Variants in EPS15 observed in about 807,000 individuals in gnomAD.
EPS15 encodes epidermal growth factor receptor substrate 15.
EPS15 carries 72 observed loss-of-function variants against 113.8 expected under a neutral mutation model. That is an observed-to-expected ratio of 0.63 (90% CI 0.52 to 0.77). The LOEUF (loss-of-function observed/expected upper bound fraction) is 0.77. EPS15 is among the 30% of genes least tolerant of loss of function. The pLI is 0.00. For synonymous variants in EPS15, 344 were observed against 363.4 expected, an observed-to-expected ratio of 0.95 and a Z score of 0.61; for missense variants, 1,048 against 1,045.8, an observed-to-expected ratio of 1.00 and a Z score of -0.03.
intron 10 of EPS15, among the ~76,000 whole-genome samples, chr1:51,445,643 A>T (rs1652979104): frequency 2.1e-5 from 3 of 143,540 alleles, no homozygotes; most frequent in African/African-American, 5.1e-5. Flanking sequence ...TTCTGTAATT[A>T]AAAAAAAAAA....
Position 51,408,209 on chromosome 1 carries a change from T to C in EPS15, c.1399A>G (p.Ser467Gly). Residue 467 changes from serine to glycine, a missense_variant, in exon 15 of 25, where the codon AGT (serine) becomes GGT (glycine). Ser to Gly is a moderately conservative substitution (Grantham distance 56). Transcript: ENST00000371733. ...AACTGAGCCTTCCCTGACTCTACAC[T>C]CTCCTCCAATTCTGCTGTTTCTTGC... ...LQQETAELEESVESGKAQLEP... is the reference protein window; with the variant it reads ...LQQETAELEEGVESGKAQLEP... 6.2e-7 allele frequency: 1 copy of C among 1,614,102 alleles called. No individual in the cohort carries two copies. Among genetic ancestry groups the C allele is most frequent in the Non-Finnish European group, 8.5e-7 (1 of 1,179,966 alleles).
chr1:51,409,269 G>A (rs988844938), intron 14 of EPS15, among the ~76,000 whole-genome samples: 15 of 152,110 alleles, frequency 9.9e-5, no homozygotes, highest in African/African-American at 3.1e-4. Flanking sequence ...AGGGTAACTG[G>A]GGGAGGGACA....
At chr1:51,476,435 T>C (rs1643903358) in intron 2 of EPS15, among the ~76,000 whole-genome samples, 2 of 152,134 alleles carry the variant, frequency 1.3e-5, no homozygotes, top group South Asian at 4.1e-4. Flanking sequence ...GGAGCGTGTA[T>C]GTGTTGAGGA....
intron 2 of EPS15, among the ~76,000 whole-genome samples, chr1:51,477,859 G>C (rs1360182482): frequency 6.6e-6 from 1 of 152,154 alleles, no homozygotes; most frequent in African/African-American, 2.4e-5. Context: ...TTGCTGAGGA[G>C]TGCTTTACTT....
intron 1 of EPS15, among the ~76,000 whole-genome samples, chr1:51,493,278 G>A (rs1260618901): frequency 4.1e-5 from 6 of 144,584 alleles, no homozygotes; most frequent in African/African-American, 5.1e-5. Context: ...GGAGAATGGC[G>A]TGAACCCGGG....
At chr1:51,468,273 A>G (rs1654993972) in intron 5 of EPS15, among the ~76,000 whole-genome samples, 200 bp downstream of exon 5, 1 of 152,104 alleles carries the variant, frequency 6.6e-6, no homozygotes, top group African/African-American at 2.4e-5. Flanking sequence ...AGTTTCTCAC[A>G]TATACATATA....
chr1:51,396,940 G>A (rs1557798671), intron 20 of EPS15, among the ~76,000 whole-genome samples: 1 of 151,676 alleles, frequency 6.6e-6, no homozygotes, highest in African/African-American at 2.4e-5. Flanking sequence ...GAGTGCTGTG[G>A]TACAATCATG....
chr1:51,372,553 C>T, intron 21 of EPS15: 4 of 527,494 alleles, frequency 7.6e-6, no homozygotes, highest in Non-Finnish European at 1.5e-5. Flanking sequence ...ACCACACAGG[C>T]CCTAAACTAC....
intron 2 of EPS15, among the ~76,000 whole-genome samples, chr1:51,474,549 G>A (rs1345984819): frequency 6.6e-6 from 1 of 152,064 alleles, no homozygotes; most frequent in Non-Finnish European, 1.5e-5. Context: ...TTTAATTATA[G>A]TTATTTACTT....
chr1:51,455,121 A>G (rs1653880326), intron 8 of EPS15, among the ~76,000 whole-genome samples: 1 of 152,230 alleles, frequency 6.6e-6, no homozygotes, highest in South Asian at 2.1e-4. Flanking sequence ...TTTAAAATAA[A>G]AAGCAGTAGT....
At chr1:51,487,010 C>T (rs1013242228) in intron 1 of EPS15, among the ~76,000 whole-genome samples, 3 of 152,116 alleles carry the variant, frequency 2.0e-5, no homozygotes, top group African/African-American at 7.2e-5. Context: ...TAAGAATATT[C>T]TCCATCTAGC....
intron 21 of EPS15, among the ~76,000 whole-genome samples, chr1:51,387,387 G>C (rs533071236): frequency 2.4e-4 from 36 of 151,940 alleles, no homozygotes; most frequent in African/African-American, 8.7e-4. Flanking sequence ...AAAGACCATC[G>C]AGACTAGGAA....
chr1:51,361,060 T>G, intron 24 of EPS15, 111 bp downstream of exon 24: 2 of 793,612 alleles, frequency 2.5e-6, no homozygotes, highest in Non-Finnish European at 4.1e-6. Context: ...AAGATCATTT[T>G]TAGTATCTTG....
At chr1:51,406,786 G>C (rs530242145) in intron 15 of EPS15, among the ~76,000 whole-genome samples, 5 of 152,294 alleles carry the variant, frequency 3.3e-5, no homozygotes, top group Admixed American at 6.5e-5. Flanking sequence ...TTTTAAAAAT[G>C]TGTAAGTTCC....
intron 1 of EPS15, among the ~76,000 whole-genome samples, chr1:51,518,868 A>C (rs1219994455): frequency 1.3e-5 from 2 of 151,682 alleles, no homozygotes; most frequent in Non-Finnish European, 2.9e-5. Context: ...GGTAGGTGAA[A>C]GCTGCCCCGC....
At chr1:51,491,264 C>T (rs1644227678) in intron 1 of EPS15, among the ~76,000 whole-genome samples, 1 of 151,850 alleles carries the variant, frequency 6.6e-6, no homozygotes, top group Admixed American at 6.6e-5. Flanking sequence ...CTTAGAATTC[C>T]ACCTTCTATT....
chr1:51,423,139 A>G, intron 12 of EPS15: 1 of 1,158,284 alleles, frequency 8.6e-7, no homozygotes, highest in Non-Finnish European at 1.1e-6. Flanking sequence ...TATGGAAGAA[A>G]GCATACAAAT....
At chr1:51,382,831 T>C (rs755431749) in intron 21 of EPS15, among the ~76,000 whole-genome samples, 10 of 152,130 alleles carry the variant, frequency 6.6e-5, no homozygotes, top group Admixed American at 2.0e-4. Flanking sequence ...TCAAAACCAG[T>C]CTCCCTCAAA....
At chr1:51,468,735 A>G (rs911162442) in intron 4 of EPS15, among the ~76,000 whole-genome samples, 167 bp from the exon 5 acceptor site, 8 of 152,216 alleles carry the variant, frequency 5.3e-5, no homozygotes, top group Admixed American at 3.9e-4. Flanking sequence ...GAAAAATCCT[A>G]TGTAGAAAGA....
Sources: gnomAD v4.1 joint callset for allele counts (sites outside exome capture counted in the v4.1 genomes callset) on GRCh38, gnomAD v4.1.1 for gene constraint, MANE v1.5 for transcripts, NCBI Gene and HGNC (gene_info 2026-07-23, HGNC 2026-07-21) for gene names.